Variants in CEP112 observed in about 807,000 individuals in gnomAD.
The protein encoded by CEP112 is centrosomal protein 112.
Under a neutral mutation model 153.0 loss-of-function variants are expected in CEP112, and 127 were observed. The observed-to-expected ratio is 0.83, with a 90% confidence interval of 0.72 to 0.96. The LOEUF is 0.96. Ranked by LOEUF, CEP112 falls within the 40% of genes least tolerant of loss-of-function variation. The pLI is 0.00. For synonymous variants in CEP112, 358 were observed against 374.4 expected (o/e 0.96, Z 0.51); for missense variants, 1,089 against 1,101.2 (o/e 0.99, Z 0.16).
At chr17:66,040,370 T>G (rs1384015855) in intron 12 of CEP112, among the ~76,000 whole-genome samples, 2 of 152,188 alleles carry the variant, frequency 1.3e-5, no homozygotes, top group Non-Finnish European at 2.9e-5. Flanking sequence ...TTCAAATACA[T>G]TGCTCTTTTT....
At chr17:65,845,825 A>G (rs948068449) in intron 21 of CEP112, among the ~76,000 whole-genome samples, 1 of 152,090 alleles carries the variant, frequency 6.6e-6, no homozygotes, top group African/African-American at 2.4e-5. Flanking sequence ...TCAATCATTT[A>G]CTCTCTTGGA....
intron 19 of CEP112, among the ~76,000 whole-genome samples, chr17:65,904,976 G>GT (rs1445081042): frequency 6.6e-6 from 1 of 152,080 alleles, no homozygotes; most frequent in African/African-American, 2.4e-5. Flanking sequence ...AGACTTAAAC[G>GT]TAAGACCTAA....
At chr17:65,939,166 T>C (rs2144440569) in intron 18 of CEP112, among the ~76,000 whole-genome samples, 1 of 152,214 alleles carries the variant, frequency 6.6e-6, no homozygotes, top group Non-Finnish European at 1.5e-5. Flanking sequence ...ATAAAATAAT[T>C]AGTATTCATT....
intron 8 of CEP112, among the ~76,000 whole-genome samples, chr17:66,082,780 T>C (rs1378640101): frequency 6.6e-6 from 1 of 151,644 alleles, no homozygotes; most frequent in South Asian, 2.1e-4. Context: ...AAAAAAAATT[T>C]TTATATGTGT....
At chr17:66,051,990 T>TTGTG (rs1461771006) in intron 12 of CEP112, among the ~76,000 whole-genome samples, 1 of 152,230 alleles carries the variant, frequency 6.6e-6, no homozygotes, top group Non-Finnish European at 1.5e-5. Flanking sequence ...GAACATTTAC[T>TTGTG]TTAGCATACA....
At chr17:65,644,306 C>A in intron 24 of CEP112, 1 of 578,200 alleles carries the variant, frequency 1.7e-6, no homozygotes, top group Non-Finnish European at 3.1e-6. Context: ...GGCAAGAAGG[C>A]CATGTTCCAT....
intron 4 of CEP112, among the ~76,000 whole-genome samples, chr17:66,142,314 C>T (rs1011142703): frequency 2.0e-5 from 3 of 152,152 alleles, no homozygotes; most frequent in African/African-American, 7.2e-5. Flanking sequence ...CTTGTCTCTT[C>T]ACTCTGTTGA....
chr17:66,149,876 T>G (rs12947651), intron 4 of CEP112, among the ~76,000 whole-genome samples: 1,686 of 71,638 alleles, frequency 0.024, 42 homozygotes, highest in African/African-American at 0.036. Flanking sequence ...GGGTTTTTTT[T>G]TTTGTTTGTT....
intron 18 of CEP112, among the ~76,000 whole-genome samples, chr17:65,947,099 C>T (rs1008003118): frequency 1.8e-4 from 27 of 152,254 alleles, no homozygotes; most frequent in African/African-American, 5.3e-4. Flanking sequence ...TTACCAATAA[C>T]ATTTTAACAA....
At position 65,637,943 on chromosome 17, in the gene CEP112, G is replaced by T. The variant is rs1324039240; in HGVS notation, c.2800-755C>A. The stretch of plus-strand genomic sequence containing the variant: ...GGTTGGAGAGACAGAACTTCATAGC[G>T]GAAAGAGCCTGAGCTTTGTCTGGAG... On this transcript the variant is annotated intron_variant, in intron 25 of 26. Transcript: ENST00000535342. Among the ~76,000 whole-genome samples the T allele has an allele frequency of 2.0e-5, 3 of 152,188 alleles. No individual in the cohort carries two copies. In the East Asian group the frequency reaches 5.8e-4, roughly 29 times the overall value.
chr17:65,810,500 A>C (rs1401092539), intron 21 of CEP112, among the ~76,000 whole-genome samples: 1 of 152,106 alleles, frequency 6.6e-6, no homozygotes, highest in African/African-American at 2.4e-5. Flanking sequence ...CCAACATTGA[A>C]CTTACAATCT....
At chr17:65,858,483 CT>C (rs1230369462) in intron 20 of CEP112, among the ~76,000 whole-genome samples, 4 of 151,918 alleles carry the variant, frequency 2.6e-5, no homozygotes, top group Non-Finnish European at 2.9e-5. Flanking sequence ...TGGCATAATG[CT>C]TTTTTAATAT....
At chr17:66,144,966 G>A (rs1303520420) in intron 4 of CEP112, among the ~76,000 whole-genome samples, 3 of 152,174 alleles carry the variant, frequency 2.0e-5, no homozygotes, top group Non-Finnish European at 2.9e-5. Context: ...CAGAGTGGTT[G>A]TGCAATATTA....
chr17:65,883,263 C>T lies in CEP112; in HGVS notation c.2163+18889G>A, dbSNP rs1322515219. Among the ~76,000 whole-genome samples the T allele has an allele frequency of 6.8e-5, 10 of 146,822 alleles. 1 individual carries two copies. Among genetic ancestry groups the T allele is most frequent in the Admixed American group, 4.8e-4 (7 of 14,724 alleles). Reference sequence around the variant, plus strand: ...ATTGCAGCTCATGCTAAGAAGTTTACATATATATATATATATATGAAGTGT... The same window carrying T: ...ATTGCAGCTCATGCTAAGAAGTTTATATATATATATATATATATGAAGTGT... On this transcript the variant is annotated intron_variant, in intron 20 of 26. Transcript: ENST00000535342.
At chr17:65,859,852 CAAAAAA>C (rs573790538) in intron 20 of CEP112, among the ~76,000 whole-genome samples, 1 of 100,360 alleles carries the variant, frequency 1.0e-5, no homozygotes, top group African/African-American at 3.9e-5. Flanking sequence ...ACTAAAAATA[CAAAAAA>C]AAAAAAAAAA....
intron 16 of CEP112, among the ~76,000 whole-genome samples, chr17:66,010,040 A>AT (rs1333130309): frequency 6.6e-6 from 1 of 152,108 alleles, no homozygotes; most frequent in Non-Finnish European, 1.5e-5. Context: ...GAATTTGTAA[A>AT]TTTTTTAGGG....
At chr17:66,117,138 C>T (rs1317963516) in intron 6 of CEP112, among the ~76,000 whole-genome samples, 1 of 152,102 alleles carries the variant, frequency 6.6e-6, no homozygotes, top group African/African-American at 2.4e-5. Context: ...TCATGATCCA[C>T]TCGCCTCAAT....
rs566252021 is a variant in CEP112 at position 65,804,723 on chromosome 17, C to G, written c.2394+47081G>C. ...AATAAAAGTAATGTTAAGAATTATA[C>G]TGAAAAATAAGCATTGAAACTGGAA... On this transcript the variant is annotated intron_variant, in intron 21 of 26. Coordinates refer to ENST00000535342, the MANE Select transcript of CEP112 (RefSeq NM_001199165.4). Among the ~76,000 whole-genome samples the G allele has an allele frequency of 8.5e-5, 13 of 152,130 alleles. No individual in the cohort carries two copies. The East Asian group carries it at 2.3e-3, about 27-fold the overall frequency.
chr17:65,661,980 T>A (rs2046413036), intron 24 of CEP112, among the ~76,000 whole-genome samples: 1 of 152,038 alleles, frequency 6.6e-6, no homozygotes, highest in African/African-American at 2.4e-5. Context: ...ATTAAAAAAT[T>A]TTTTTTGAGA....
Sources: gnomAD v4.1 joint callset for allele counts (sites outside exome capture counted in the v4.1 genomes callset) on GRCh38, gnomAD v4.1.1 for gene constraint, MANE v1.5 for transcripts, NCBI Gene and HGNC (gene_info 2026-07-23, HGNC 2026-07-21) for gene names.